LRRC74A: variants seen among roughly 807,000 people sequenced by gnomAD.
LRRC74A encodes leucine-rich repeat-containing protein 74A.
A neutral mutation model predicts 57.9 loss-of-function variants in LRRC74A; 44 were observed. The ratio of observed to expected loss-of-function variants is 0.76; its 90% CI spans 0.60 to 0.98. The LOEUF (loss-of-function observed/expected upper bound fraction) is 0.98. LRRC74A is among the 50% of genes least tolerant of loss of function. The pLI, the probability that LRRC74A is intolerant of heterozygous loss-of-function variation, is 0.00. For synonymous variants in LRRC74A, 211 were observed against 219.4 expected, an observed-to-expected ratio of 0.96 and a Z score of 0.34; for missense variants, 572 against 574.0, an observed-to-expected ratio of 1.00 and a Z score of 0.04.
intron 7 of LRRC74A, 54 bp from the exon 8 acceptor site, chr14:76,852,311 G>A (rs1416900439): frequency 5.7e-6 from 8 of 1,413,490 alleles, no homozygotes; most frequent in Non-Finnish European, 7.9e-6. Context: ...TTAACTCTGA[G>A]AATGGGTTTT....
chr14:76,837,899 T>C lies in LRRC74A; in HGVS notation c.472T>C (p.Leu158=). The part of the protein sequence containing the change: ...EMNISNNHLG[L]EGARIISDFF... Reference sequence around the variant, plus strand: ...GAATATTTCCAACAATCACCTTGGTTTGGAGGGGGCCAGAATCATCTCAGA... The same window carrying C: ...GAATATTTCCAACAATCACCTTGGTCTGGAGGGGGCCAGAATCATCTCAGA... The change falls in exon 5 of 14, where the codon TTG becomes CTG. Residue 158 remains leucine (L), a synonymous_variant. Transcript: ENST00000689127. 2 of 1,592,080 alleles carry C rather than the reference T, an allele frequency of 1.3e-6. No homozygotes were observed. Among genetic ancestry groups the C allele is most frequent in the Admixed American group, 1.7e-5 (1 of 57,186 alleles).
chr14:76,868,536 C>T (rs1899141062), intron 13 of LRRC74A, among the ~76,000 whole-genome samples: 1 of 152,202 alleles, frequency 6.6e-6, no homozygotes, highest in Admixed American at 6.5e-5. Context: ...GGCCGAGACT[C>T]CAGGCCTGAG....
At chr14:76,868,769 G>A (rs535921590) in intron 13 of LRRC74A, among the ~76,000 whole-genome samples, 1 of 152,168 alleles carries the variant, frequency 6.6e-6, no homozygotes, top group Non-Finnish European at 1.5e-5. Context: ...ACTCAGCGTC[G>A]TCCACGTGGA....
chr14:76,848,440 A>T (rs1446915598), intron 7 of LRRC74A, among the ~76,000 whole-genome samples: 1 of 151,578 alleles, frequency 6.6e-6, no homozygotes, highest in Non-Finnish European at 1.5e-5. Context: ...ATGGTGGCAC[A>T]TGCCTATAGT....
intron 3 of LRRC74A, among the ~76,000 whole-genome samples, chr14:76,831,649 A>G (rs535249205): frequency 2.2e-4 from 34 of 152,300 alleles, no homozygotes; most frequent in Non-Finnish European, 4.1e-4. Flanking sequence ...TTCAGGAAGC[A>G]AAGGCACCAG....
intron 9 of LRRC74A, among the ~76,000 whole-genome samples, chr14:76,856,552 A>G (rs979241257): frequency 8.4e-6 from 1 of 118,626 alleles, no homozygotes; most frequent in African/African-American, 3.2e-5. Context: ...GGATGGATGG[A>G]TGAGCGGTGA....
intron 2 of LRRC74A, among the ~76,000 whole-genome samples, chr14:76,830,795 A>AC (rs1895917691): frequency 6.6e-6 from 1 of 152,082 alleles, no homozygotes; most frequent in African/African-American, 2.4e-5. Context: ...TGAAATGAAG[A>AC]TTCCATCAAC....
intron 2 of LRRC74A, chr14:76,828,756 G>A: frequency 2.2e-6 from 1 of 453,970 alleles, no homozygotes; most frequent in South Asian, 1.6e-5. Context: ...AGTCCTAGGA[G>A]GTAGGCATCT....
At chr14:76,856,616 T>G (rs1025757868) in intron 9 of LRRC74A, among the ~76,000 whole-genome samples, 1 of 148,176 alleles carries the variant, frequency 6.7e-6, no homozygotes, top group African/African-American at 2.5e-5. Flanking sequence ...GGTGGATGGA[T>G]GAGTAGATGA....
At chr14:76,840,552 C>G (rs900207070) in intron 5 of LRRC74A, among the ~76,000 whole-genome samples, 11 of 148,020 alleles carry the variant, frequency 7.4e-5, no homozygotes, top group Admixed American at 6.1e-4. Context: ...TCTAGAGTCT[C>G]TATTTTATTT....
Position 76,828,288 on chromosome 14 carries a change from C to T in LRRC74A, c.38-3C>T. On this transcript the variant is annotated splice_region_variant and splice_polypyrimidine_tract_variant and intron_variant, in intron 1 of 13. Transcript: ENST00000689127. ...CATCAAGGAGATGAGTTTTTTCTTC[C>T]AGATGAGATTGAAATTGAGCCAGTA... is the stretch of plus-strand genomic sequence containing the variant. 1 of 1,586,880 alleles carries T rather than the reference C, an allele frequency of 6.3e-7. No homozygotes were observed. Among genetic ancestry groups the T allele is most frequent in the Non-Finnish European group, 8.6e-7 (1 of 1,162,110 alleles).
At chr14:76,844,547 G>C (rs1896993817) in intron 6 of LRRC74A, 75 bp downstream of exon 6, 3 of 1,452,216 alleles carry the variant, frequency 2.1e-6, no homozygotes, top group Non-Finnish European at 2.9e-6. Context: ...GGCTGCTATG[G>C]GCACAGTAAC....
chr14:76,831,264 G>T lies in LRRC74A; in HGVS notation c.228G>T (p.Met76Ile), dbSNP rs1209687054. The change falls in exon 3 of 14, where the codon ATG becomes ATT. Residue 76 changes from methionine (M) to isoleucine (I), a missense_variant. Transcript: ENST00000689127. ...TGTACCTGGAGGCCTGCAAGCTGATGGGTGTAGTGCCTGTCTCCTACTTCA... is the reference window on the plus strand; with the variant it reads ...TGTACCTGGAGGCCTGCAAGCTGATTGGTGTAGTGCCTGTCTCCTACTTCA... ...KELYLEACKL[M>I]GVVPVSYFIR... 1.4e-5 allele frequency: 22 copies of T among 1,614,048 alleles called. 1 individual carries two copies. The highest frequency in any genetic ancestry group is 1.6e-4 in the Middle Eastern group (1 of 6,062).
chr14:76,867,878 G>A (rs1899073759), intron 13 of LRRC74A, among the ~76,000 whole-genome samples: 1 of 152,236 alleles, frequency 6.6e-6, no homozygotes, highest in South Asian at 2.1e-4. Flanking sequence ...ACAGAGGGCG[G>A]AGGCACACAA....
chr14:76,843,370 G>C (rs1199270812), intron 5 of LRRC74A, among the ~76,000 whole-genome samples: 3 of 149,762 alleles, frequency 2.0e-5, no homozygotes, highest in African/African-American at 7.4e-5. Context: ...TTTTTAAAAT[G>C]TTGTATTAGG....
chr14:76,857,681 G>A (rs10141851), intron 10 of LRRC74A, among the ~76,000 whole-genome samples: 4,802 of 152,234 alleles, frequency 0.032, 251 homozygotes, highest in African/African-American at 0.11. Flanking sequence ...TAACATCATA[G>A]TGAGAAATAA....
chr14:76,858,314 C>T (rs771477658), intron 10 of LRRC74A, among the ~76,000 whole-genome samples: 1 of 152,154 alleles, frequency 6.6e-6, no homozygotes, highest in Non-Finnish European at 1.5e-5. Context: ...TCCTGTCATG[C>T]TTTGGTGTTC....
intron 11 of LRRC74A, among the ~76,000 whole-genome samples, chr14:76,863,312 T>G (rs1263491488): frequency 6.6e-6 from 1 of 151,830 alleles, no homozygotes; most frequent in Non-Finnish European, 1.5e-5. Flanking sequence ...GGCAGGGAAG[T>G]GCAGATGGGG....
chr14:76,827,931 C>T (rs1343564571), intron 1 of LRRC74A, among the ~76,000 whole-genome samples: 2 of 152,184 alleles, frequency 1.3e-5, no homozygotes, highest in Admixed American at 6.5e-5. Context: ...CGGGACCCAC[C>T]CTTTCACCTG....
Sources: gnomAD v4.1 joint callset for allele counts (sites outside exome capture counted in the v4.1 genomes callset) on GRCh38, gnomAD v4.1.1 for gene constraint, MANE v1.5 for transcripts, NCBI Gene and HGNC (gene_info 2026-07-23, HGNC 2026-07-21) for gene names.